Variants in MYLIP observed in about 807,000 individuals in gnomAD.
The protein encoded by MYLIP is myosin regulatory light chain interacting protein.
A neutral mutation model predicts 45.8 loss-of-function variants in MYLIP; 26 were observed. That is an observed-to-expected ratio of 0.57 (90% CI 0.42 to 0.79). The LOEUF is 0.79. Among genes scored for constraint, MYLIP ranks in the 30% least tolerant of loss-of-function variants. The pLI, the probability that MYLIP is intolerant of heterozygous loss-of-function variation, is 0.00. For missense variants in MYLIP, 494 were observed against 555.6 expected (o/e 0.89, Z 1.11); for synonymous variants, 213 against 218.1 (o/e 0.98, Z 0.21).
downstream of MYLIP, among the ~76,000 whole-genome samples, chr6:16,148,842 C>T (rs974650722): frequency 2.0e-5 from 3 of 151,976 alleles, no homozygotes; most frequent in Admixed American, 6.6e-5. Context: ...CTGTGTTTCT[C>T]CAGAAATACA....
In MYLIP at chr6:16,143,749, A is replaced by G; in HGVS notation, c.713A>G (p.Tyr238Cys). The change falls in exon 5 of 7, where the codon TAT becomes TGT. Residue 238 changes from tyrosine to cysteine, a missense_variant. Tyr to Cys is a radical substitution (Grantham distance 194). Transcript: ENST00000356840. The stretch of plus-strand genomic sequence containing the variant: ...GCCACCCAGTCAGGAAAGAATGTAT[A>G]TTTGACGGTCACCAAGGAATCTGGG... Reference protein sequence around the residue: ...QMATQSGKNVYLTVTKESGNS... With the variant: ...QMATQSGKNVCLTVTKESGNS... 2 of 1,614,100 alleles carry G rather than the reference A, an allele frequency of 1.2e-6. No individual in the cohort carries two copies. Among genetic ancestry groups the G allele is most frequent in the Non-Finnish European group, 1.7e-6 (2 of 1,180,018 alleles).
chr6:16,162,991 A>G, the MYLIP span, among the ~76,000 whole-genome samples: 1 of 151,860 alleles, frequency 6.6e-6, no homozygotes, highest in Non-Finnish European at 1.5e-5. Flanking sequence ...GATGTAATGC[A>G]TGGAGCTGCT....
At chr6:16,137,163 C>T (rs905871201) in intron 2 of MYLIP, among the ~76,000 whole-genome samples, 5 of 152,158 alleles carry the variant, frequency 3.3e-5, no homozygotes, top group African/African-American at 7.2e-5. Flanking sequence ...CATTTAGACC[C>T]GTGATCCATC....
chr6:16,135,375 G>T (rs911028492), intron 2 of MYLIP, among the ~76,000 whole-genome samples: 1 of 152,156 alleles, frequency 6.6e-6, no homozygotes, highest in Non-Finnish European at 1.5e-5. Context: ...TGTGGGTTGT[G>T]ATCACTTTTG....
In MYLIP at chr6:16,146,663, C is replaced by T; in HGVS notation, c.1250C>T (p.Ser417Leu). ...CCESCAAQLQSCPVCRSRVEH... is the reference protein window; with the variant it reads ...CCESCAAQLQLCPVCRSRVEH... The stretch of plus-strand genomic sequence containing the variant: ...AGACTGTTGGCTTTTCTTTCCCAGT[C>T]ATGTCCCGTCTGCAGGTCGCGTGTG... The change falls in exon 7 of 7, where the codon TCA becomes TTA. Residue 417 changes from serine (S) to leucine (L), a missense_variant and splice_region_variant. Ser to Leu is a moderately radical substitution (Grantham distance 145). Coordinates refer to ENST00000356840, the MANE Select transcript of MYLIP (RefSeq NM_013262.4). The T allele has an allele frequency of 6.2e-7, 1 of 1,607,996 alleles. No homozygotes were observed. The highest frequency in any genetic ancestry group is 1.1e-5 in the South Asian group (1 of 89,764).
intron 2 of MYLIP, among the ~76,000 whole-genome samples, chr6:16,141,127 G>A (rs1419649555): frequency 6.6e-6 from 1 of 152,178 alleles, no homozygotes; most frequent in East Asian, 1.9e-4. Flanking sequence ...AGGTACCGAA[G>A]AACATCCAGG....
At chr6:16,134,851 C>T (rs1759519287) in intron 2 of MYLIP, among the ~76,000 whole-genome samples, 1 of 152,184 alleles carries the variant, frequency 6.6e-6, no homozygotes, top group Non-Finnish European at 1.5e-5. Flanking sequence ...GTGTTTATTT[C>T]AGCCAAGGAA....
downstream of MYLIP, among the ~76,000 whole-genome samples, chr6:16,152,496 ACCT>A (rs762111460): frequency 2.0e-5 from 3 of 152,020 alleles, no homozygotes; most frequent in Admixed American, 6.6e-5. Context: ...ATGCTGCCAA[ACCT>A]CCTAAAATGT....
At chr6:16,160,286 G>T in the MYLIP span, among the ~76,000 whole-genome samples, 2 of 152,160 alleles carry the variant, frequency 1.3e-5, no homozygotes. Context: ...GGGGGTTATG[G>T]CAGACACTGT....
chr6:16,160,227 GCCA>G, the MYLIP span, among the ~76,000 whole-genome samples: 1 of 152,156 alleles, frequency 6.6e-6, no homozygotes, highest in Non-Finnish European at 1.5e-5. Flanking sequence ...AAACCCTAGA[GCCA>G]TATATACCAC....
chr6:16,130,040 A>T (rs1449261534), intron 1 of MYLIP, among the ~76,000 whole-genome samples: 1 of 152,204 alleles, frequency 6.6e-6, no homozygotes, highest in East Asian at 1.9e-4. Flanking sequence ...GGTATGGCAG[A>T]CAGCACATGT....
At chr6:16,162,745 G>GTTC in the MYLIP span, among the ~76,000 whole-genome samples, 1 of 127,846 alleles carries the variant, frequency 7.8e-6, no homozygotes, top group Non-Finnish European at 1.5e-5. Flanking sequence ...GAGTCCAGGA[G>GTTC]TTCTAGACCA....
Position 16,145,097 on chromosome 6 carries a change from A to G in MYLIP, c.1028A>G (p.Asn343Ser). The G allele has an allele frequency of 1.2e-6, 2 of 1,614,224 alleles. No homozygotes were observed. The highest frequency in any genetic ancestry group is 1.1e-5 in the South Asian group (1 of 91,084). The change falls in exon 6 of 7, where the codon AAC becomes AGC. Residue 343 changes from asparagine (N) to serine (S), a missense_variant. Asn to Ser is a conservative substitution (Grantham distance 46). Coordinates refer to ENST00000356840, the MANE Select transcript of MYLIP (RefSeq NM_013262.4). ...AGVVDLVSRN[N>S]QSPSHSPLKS... Reference sequence around the variant, plus strand: ...GTTGTGGACCTCGTTTCAAGAAACAACCAGAGCCCTTCACACTCGCCTCTG... The same window carrying G: ...GTTGTGGACCTCGTTTCAAGAAACAGCCAGAGCCCTTCACACTCGCCTCTG...
chr6:16,149,137 G>T (rs1345063062), downstream of MYLIP, among the ~76,000 whole-genome samples: 1 of 152,126 alleles, frequency 6.6e-6, no homozygotes, highest in Non-Finnish European at 1.5e-5. Context: ...GTGTACTTTT[G>T]TCTCTGCGCG....
intron 2 of MYLIP, among the ~76,000 whole-genome samples, chr6:16,140,610 G>A (rs1053749250): frequency 2.0e-5 from 3 of 152,142 alleles, no homozygotes; most frequent in Non-Finnish European, 4.4e-5. Flanking sequence ...AGAAAGAATG[G>A]CCCTCAGGAC....
chr6:16,146,857 C>A lies in MYLIP; in HGVS notation c.*106C>A. 3.3e-6 allele frequency: 3 copies of A among 909,612 alleles called. No homozygotes were observed. Among genetic ancestry groups the A allele is most frequent in the South Asian group, 1.9e-5 (1 of 51,674 alleles). 56.3% of individuals were successfully genotyped at this position (909,612 alleles called of 1,614,324 possible). A position where few individuals can be genotyped will look rare whatever the true frequency, so the allele number is the denominator to read the frequency against. ...AGTAATTATTCCAACACCCATCTGC[C>A]ATGCGATGTTAAAAAAAAAAAAAAG... is the stretch of plus-strand genomic sequence containing the variant. On this transcript the variant is annotated 3_prime_UTR_variant, in exon 7 of 7. Transcript: ENST00000356840.
chr6:16,158,424 T>C, the MYLIP span, among the ~76,000 whole-genome samples: 23 of 152,318 alleles, frequency 1.5e-4, no homozygotes, highest in African/African-American at 5.5e-4. Context: ...ATCAGATATA[T>C]ATGAAAACAA....
At position 16,141,754 on chromosome 6, in the gene MYLIP, C is replaced by G. The variant is rs1169842221; in HGVS notation, c.408C>G (p.Ala136=). Residue 136 remains alanine, a synonymous_variant, in exon 3 of 7, where the codon GCC becomes GCG. Coordinates refer to ENST00000356840, the MANE Select transcript of MYLIP (RefSeq NM_013262.4). ...TTGGAGACTACAACCAGAACACTGC[C>G]AAGTATAACTATGAGGAGCTCTGTG... ...TKFGDYNQNT[A]KYNYEELCAK... The G allele has an allele frequency of 3.7e-6, 6 of 1,614,082 alleles. No individual in the cohort carries two copies. In the South Asian group the frequency reaches 6.6e-5, roughly 18 times the overall value.
downstream of MYLIP, among the ~76,000 whole-genome samples, chr6:16,152,996 G>A (rs549616716): frequency 2.6e-5 from 4 of 152,250 alleles, no homozygotes; most frequent in South Asian, 2.1e-4. Flanking sequence ...AGAGGCCCTG[G>A]TAACCCCTAC....
Sources: allele counts gnomAD v4.1 joint callset (sites outside exome capture counted in the v4.1 genomes callset), GRCh38; gene constraint gnomAD v4.1.1; transcripts MANE v1.5; gene names NCBI Gene and HGNC (gene_info 2026-07-23, HGNC 2026-07-21).